The following ARK2C variants were observed in gnomAD, a reference collection of about 807,000 sequenced individuals.
ARK2C encodes the protein arkadia (RNF111) C-terminal like ring finger ubiquitin ligase 2C.
the ARK2C span, among the ~76,000 whole-genome samples, chr18:46,343,478 G>C: frequency 6.6e-6 from 1 of 152,188 alleles, no homozygotes; most frequent in African/African-American, 2.4e-5. Context: ...CCAGCCAAAG[G>C]CGACAGTGAA....
At chr18:46,417,269 CAG>C in the ARK2C span, among the ~76,000 whole-genome samples, 1 of 152,330 alleles carries the variant, frequency 6.6e-6, no homozygotes, top group African/African-American at 2.4e-5. Flanking sequence ...ATTCAGCAGC[CAG>C]AGAGTCAAGA....
chr18:46,341,442 G>A, the ARK2C span, among the ~76,000 whole-genome samples: 22 of 152,190 alleles, frequency 1.4e-4, no homozygotes, highest in African/African-American at 5.1e-4. Flanking sequence ...GAGGTCTTTG[G>A]GGTGCTTTGG....
chr18:46,433,251 C>T, the ARK2C span: 21 of 1,606,654 alleles, frequency 1.3e-5, no homozygotes, highest in Non-Finnish European at 1.6e-5. Context: ...TCCACCTGGG[C>T]CCCCCGCAGC....
the ARK2C span, among the ~76,000 whole-genome samples, chr18:46,417,384 G>A: frequency 1.3e-5 from 2 of 152,236 alleles, no homozygotes; most frequent in South Asian, 4.1e-4. Context: ...CCCAAGATCA[G>A]TATCACCTAA....
the ARK2C span, chr18:46,334,417 CG>C: frequency 5.3e-6 from 7 of 1,326,884 alleles, no homozygotes; most frequent in East Asian, 2.7e-5. The surrounding 1 kb of genome is among the most constrained non-coding windows in gnomAD (Gnocchi z 4.4). Flanking sequence ...CGCGGGCGGC[CG>C]GGGGCTCAGG....
At chr18:46,405,005 C>T in the ARK2C span, among the ~76,000 whole-genome samples, 2 of 152,130 alleles carry the variant, frequency 1.3e-5, no homozygotes, top group Non-Finnish European at 2.9e-5. Flanking sequence ...TCCACTGGAC[C>T]ACAGAGCTTA....
chr18:46,420,371 G>T, the ARK2C span, among the ~76,000 whole-genome samples: 1 of 152,166 alleles, frequency 6.6e-6, no homozygotes, highest in Admixed American at 6.5e-5. Flanking sequence ...GAGGAATAAA[G>T]CTACTCTCTG....
chr18:46,440,181 A>G, the ARK2C span, among the ~76,000 whole-genome samples: 1 of 152,174 alleles, frequency 6.6e-6, no homozygotes, highest in Non-Finnish European at 1.5e-5. Flanking sequence ...TCCTGATATT[A>G]CAGTAGTCTC....
chr18:46,449,282 C>A, the ARK2C span, among the ~76,000 whole-genome samples: 2 of 152,132 alleles, frequency 1.3e-5, no homozygotes, highest in Non-Finnish European at 2.9e-5. Context: ...CAGGCCATGC[C>A]AGAACAGAGT....
the ARK2C span, among the ~76,000 whole-genome samples, chr18:46,365,385 T>C: frequency 6.6e-6 from 1 of 152,182 alleles, no homozygotes; most frequent in Admixed American, 6.5e-5. Context: ...TGGAAGAGCC[T>C]TTTCTCCACT....
At chr18:46,379,843 G>A in the ARK2C span, among the ~76,000 whole-genome samples, 1 of 152,372 alleles carries the variant, frequency 6.6e-6, no homozygotes, top group Non-Finnish European at 1.5e-5. Context: ...CTGAGAGGGT[G>A]CCCCTTGCTA....
chr18:46,446,670 CAAAAAAAA>C, the ARK2C span, among the ~76,000 whole-genome samples: 62 of 34,384 alleles, frequency 1.8e-3, no homozygotes, highest in Non-Finnish European at 2.7e-3. Flanking sequence ...GACTCCATCT[CAAAAAAAA>C]AAAAAAAAAA....
At chr18:46,415,859 G>A in the ARK2C span, among the ~76,000 whole-genome samples, 2 of 152,222 alleles carry the variant, frequency 1.3e-5, no homozygotes, top group Non-Finnish European at 2.9e-5. Context: ...GATCATCACA[G>A]AGGGACTGAA....
the ARK2C span, chr18:46,387,103 AT>A: frequency 6.6e-6 from 1 of 152,498 alleles, no homozygotes; most frequent in Non-Finnish European, 1.5e-5. Flanking sequence ...GGAAGCAGTG[AT>A]TTTTGGTGGT....
chr18:46,383,704 A>G, the ARK2C span, among the ~76,000 whole-genome samples: 17 of 151,790 alleles, frequency 1.1e-4, no homozygotes, highest in African/African-American at 2.2e-4. Flanking sequence ...ACAGGCAGCC[A>G]CCACCGCGCC....
the ARK2C span, among the ~76,000 whole-genome samples, chr18:46,390,464 C>T: frequency 6.6e-6 from 1 of 152,178 alleles, no homozygotes; most frequent in Non-Finnish European, 1.5e-5. Context: ...CGGGTCACTG[C>T]TTCTATGTCT....
At chr18:46,412,042 G>C in the ARK2C span, among the ~76,000 whole-genome samples, 1 of 152,244 alleles carries the variant, frequency 6.6e-6, no homozygotes, top group African/African-American at 2.4e-5. Flanking sequence ...ATTCGAGTCA[G>C]TTGGTGCTAT....
the ARK2C span, chr18:46,336,177 C>T: frequency 1.0e-6 from 1 of 985,340 alleles, no homozygotes; most frequent in Non-Finnish European, 1.2e-6. Context: ...GGGTGTGGAA[C>T]ATTACACTAG....
the ARK2C span, chr18:46,433,626 C>A: frequency 1.2e-6 from 1 of 855,724 alleles, no homozygotes; most frequent in Non-Finnish European, 1.7e-6. Flanking sequence ...GGGGGCGGGG[C>A]TACAGGCTCC....
Sources: allele counts gnomAD v4.1 joint callset (sites outside exome capture counted in the v4.1 genomes callset), GRCh38; gene constraint gnomAD v4.1.1; non-coding constraint Gnocchi (gnomAD v3.1); transcripts MANE v1.5; gene names NCBI Gene and HGNC (gene_info 2026-07-23, HGNC 2026-07-21).